The following FHAD1 variants were observed in gnomAD, a reference collection of about 807,000 sequenced individuals.
FHAD1 encodes forkhead associated phosphopeptide binding domain 1.
FHAD1 carries 146 observed loss-of-function variants against 191.3 expected under a neutral mutation model. The ratio of observed to expected loss-of-function variants is 0.76; its 90% confidence interval spans 0.67 to 0.88. The LOEUF (loss-of-function observed/expected upper bound fraction) is 0.88, where lower values mean the gene tolerates loss of function less well. Among genes scored for constraint, FHAD1 ranks in the 40% least tolerant of loss-of-function variants. The probability of loss-of-function intolerance (pLI) is 0.00; values close to 1 mark genes in which losing one functional copy is unlikely to be tolerated. For missense variants in FHAD1, 1,635 were observed against 1,785.8 expected, an observed-to-expected ratio of 0.92 and a Z score of 1.52; for synonymous variants, 616 against 672.3, an observed-to-expected ratio of 0.92 and a Z score of 1.29.
At chr1:15,321,600 C>T (rs1242974545) in intron 10 of FHAD1, among the ~76,000 whole-genome samples, 1 of 152,202 alleles carries the variant, frequency 6.6e-6, no homozygotes, top group Non-Finnish European at 1.5e-5. Context: ...GAGTCAACAT[C>T]CATATCTACA....
chr1:15,309,797 G>C (rs1016834082), intron 7 of FHAD1, among the ~76,000 whole-genome samples: 8 of 152,122 alleles, frequency 5.3e-5, no homozygotes. Flanking sequence ...CCCTGGCTTA[G>C]TGCCTGGGCA....
At chr1:15,268,179 T>A (rs150238115) in intron 2 of FHAD1, among the ~76,000 whole-genome samples, 21,886 of 130,452 alleles carry the variant, frequency 0.17, 2,033 homozygotes, top group Middle Eastern at 0.26. Context: ...CAGAGTGTGA[T>A]GTTCCCCTTC....
At chr1:15,290,958 C>T (rs1340216750) in intron 4 of FHAD1, among the ~76,000 whole-genome samples, 2 of 152,206 alleles carry the variant, frequency 1.3e-5, no homozygotes, top group South Asian at 2.1e-4. Context: ...TTGTGATCCG[C>T]CCACCTCGGC....
Position 15,381,549 on chromosome 1 carries a change from G to A in FHAD1, c.4022+98G>A. On this transcript the variant is annotated intron_variant, in intron 30 of 33. Coordinates refer to ENST00000688493, the MANE Select transcript of FHAD1 (RefSeq NM_001391957.1). The surrounding 1 kb of genome is among the most constrained non-coding windows in gnomAD (Gnocchi z 4.6). ...CAGACCTCTAGGCCTGGGACAGGAG[G>A]ACAGAGACCCACGTGTGGAATACCT... is the stretch of plus-strand genomic sequence containing the variant. 5.5e-6 allele frequency: 5 copies of A among 905,466 alleles called. No homozygotes were observed. In the East Asian group the frequency reaches 1.3e-4, roughly 24 times the overall value. The allele number at this position is 905,466 out of a possible 1,614,324, so 56.1% of individuals were successfully genotyped here. A position where few individuals can be genotyped will look rare whatever the true frequency, so the allele number is the denominator to read the frequency against.
intron 31 of FHAD1, among the ~76,000 whole-genome samples, chr1:15,387,337 A>G (rs1557445754): frequency 6.6e-6 from 1 of 152,214 alleles, no homozygotes; most frequent in Non-Finnish European, 1.5e-5. Context: ...AGAAATTGGT[A>G]GATGTGTGGG....
chr1:15,313,879 T>G (rs533173679), intron 8 of FHAD1, among the ~76,000 whole-genome samples: 1 of 151,942 alleles, frequency 6.6e-6, no homozygotes, highest in Non-Finnish European at 1.5e-5. Flanking sequence ...GAGGCCAGCC[T>G]GGCCAACATG....
intron 6 of FHAD1, among the ~76,000 whole-genome samples, chr1:15,308,090 T>TA (rs1463166208): frequency 4.6e-5 from 7 of 152,362 alleles, no homozygotes; most frequent in African/African-American, 1.7e-4. Context: ...AACAGACTAA[T>TA]ACGGGAGCAT....
intron 2 of FHAD1, among the ~76,000 whole-genome samples, chr1:15,268,631 A>G (rs1171036195): frequency 2.7e-5 from 4 of 148,746 alleles, no homozygotes; most frequent in African/African-American, 4.9e-5. Context: ...AAGTGTTCCT[A>G]TTTCTCCACA....
Position 15,329,338 on chromosome 1 carries a change from CTT to C in FHAD1, c.1711-6_1711-5del, listed in dbSNP as rs1200256649. On this transcript the variant is annotated splice_polypyrimidine_tract_variant and splice_region_variant and intron_variant, in intron 13 of 33. Transcript: ENST00000688493. This position sits in a 1 kb window ranked among gnomAD's most constrained non-coding sequence, Gnocchi z 5.0. ...GCCTGGGCTCCTCATGATCTCACCT[CTT>C]TGCAGGCTTGCATGAAAATATCCTG... 1.3e-6 allele frequency: 2 copies of C among 1,536,740 alleles called. No homozygotes were observed. Among genetic ancestry groups the C allele is most frequent in the East Asian group, 4.9e-5 (2 of 40,560 alleles).
At chr1:15,337,200 G>C (rs148221595) in intron 14 of FHAD1, among the ~76,000 whole-genome samples, 1 of 152,138 alleles carries the variant, frequency 6.6e-6, no homozygotes, top group Non-Finnish European at 1.5e-5. Flanking sequence ...CGGCATTACC[G>C]ATTGGCATGT....
intron 2 of FHAD1, among the ~76,000 whole-genome samples, chr1:15,254,573 A>G (rs1311231003): frequency 6.6e-6 from 1 of 152,188 alleles, no homozygotes; most frequent in African/African-American, 2.4e-5. Context: ...GACAATTATT[A>G]TATATATAGA....
At chr1:15,240,354 T>A (rs1002157416) in intron 1 of FHAD1, among the ~76,000 whole-genome samples, 10 of 152,090 alleles carry the variant, frequency 6.6e-5, no homozygotes, top group African/African-American at 1.4e-4. Context: ...TCCAGCCAGG[T>A]GTAGTGGCTC....
rs115426246 is a variant in FHAD1 at position 15,238,730 on chromosome 1, C to T, written c.-15+1969C>T. 1.3e-3 allele frequency among the ~76,000 whole-genome samples: 193 copies of T among 152,314 alleles called. 1 individual carries two copies. The Middle Eastern group carries it at 0.017, about 13-fold the overall frequency. Reference sequence around the variant, plus strand: ...AGGATAAATCAACTACCCCAGACCACGTCCAATCAAAGAGGCTCTTAACCT... The same window carrying T: ...AGGATAAATCAACTACCCCAGACCATGTCCAATCAAAGAGGCTCTTAACCT... On this transcript the variant is annotated intron_variant, in intron 1 of 33. Coordinates refer to the FHAD1 transcript ENST00000683790.
At chr1:15,294,155 T>C (rs748907797) in intron 4 of FHAD1, among the ~76,000 whole-genome samples, 13 of 152,202 alleles carry the variant, frequency 8.5e-5, no homozygotes, top group East Asian at 1.9e-4. Context: ...GCTCCAGGCC[T>C]CCAGGTTGGC....
intron 2 of FHAD1, among the ~76,000 whole-genome samples, chr1:15,265,804 T>C (rs915450294): frequency 3.3e-5 from 5 of 151,816 alleles, no homozygotes; most frequent in Non-Finnish European, 7.4e-5. Flanking sequence ...AAACCCTGTC[T>C]CTACTAAAAA....
At chr1:15,279,574 A>AG (rs1659787603) in intron 3 of FHAD1, among the ~76,000 whole-genome samples, 1 of 149,910 alleles carries the variant, frequency 6.7e-6, no homozygotes, top group Non-Finnish European at 1.5e-5. Flanking sequence ...AAAAAAAAAA[A>AG]GGAATCTCTT....
At chr1:15,361,778 CGGCG>C (rs1694883662) in intron 22 of FHAD1, among the ~76,000 whole-genome samples, 1 of 150,446 alleles carries the variant, frequency 6.6e-6, no homozygotes, top group African/African-American at 2.4e-5. Flanking sequence ...AGGCCGAGGC[CGGCG>C]GATCACTAGG....
chr1:15,278,167 G>A (rs1659144170), intron 3 of FHAD1, among the ~76,000 whole-genome samples: 1 of 127,460 alleles, frequency 7.8e-6, no homozygotes, highest in African/African-American at 3.2e-5. Flanking sequence ...ATGCCCACCA[G>A]TGTTTTTCTG....
rs1167898531 is a variant in FHAD1 at position 15,388,051 on chromosome 1, G to A, written c.4189G>A (p.Glu1397Lys). The A allele has an allele frequency of 3.1e-6, 4 of 1,288,904 alleles. No individual in the cohort carries two copies. The African/African-American group carries it at 6.1e-5, about 20-fold the overall frequency. 79.8% of individuals were successfully genotyped at this position (1,288,904 alleles called of 1,614,324 possible). A position where few individuals can be genotyped will look rare whatever the true frequency, so the allele number is the denominator to read the frequency against. The change falls in exon 32 of 34, where the codon GAA (glutamate) becomes AAA (lysine). Residue 1397 changes from glutamate (E) to lysine (K), a missense_variant and splice_region_variant. By Grantham distance (56) the Glu-to-Lys change is moderately conservative. Coordinates refer to ENST00000688493, the MANE Select transcript of FHAD1 (RefSeq NM_001391957.1). ...TGCTAACCTGATACTTTTCACTCAG[G>A]AAAGTGTAGAGGAGCACGAACTGAG... ...RINRAIRQQK[E>K]SVEEHELRNA...
Sources: allele counts gnomAD v4.1 joint callset (sites outside exome capture counted in the v4.1 genomes callset), GRCh38; gene constraint gnomAD v4.1.1; non-coding constraint Gnocchi (gnomAD v3.1); transcripts MANE v1.5; gene names NCBI Gene and HGNC (gene_info 2026-07-23, HGNC 2026-07-21).